DPF3: variants seen among roughly 807,000 people sequenced by gnomAD.
DPF3 encodes double PHD fingers 3.
A neutral mutation model predicts 56.8 loss-of-function variants in DPF3; 18 were observed. The observed-to-expected ratio is 0.32, with a 90% confidence interval of 0.22 to 0.47. DPF3 has a LOEUF of 0.47. Among genes scored for constraint, DPF3 ranks in the 20% least tolerant of loss-of-function variants. DPF3 has a pLI of 1.00. For synonymous variants in DPF3, 188 were observed against 180.2 expected (o/e 1.04, Z -0.35); for missense variants, 403 against 488.8 (o/e 0.82, Z 1.65).
chr14:72,693,051 C>T lies in DPF3; in HGVS notation c.742+25G>A, dbSNP rs374145779. 12 of 1,613,562 alleles carry T rather than the reference C, an allele frequency of 7.4e-6. No homozygotes were observed. In the East Asian group the frequency reaches 1.1e-4, roughly 15 times the overall value. ...CCTGTCTAACCCACTTCTTCACTGCCCCAACCTAACAAGTAGGCACTCACG... is the reference window on the plus strand; with the variant it reads ...CCTGTCTAACCCACTTCTTCACTGCTCCAACCTAACAAGTAGGCACTCACG... On this transcript the variant is annotated intron_variant, in intron 7 of 10. Transcript: ENST00000556509.
intron 1 of DPF3, among the ~76,000 whole-genome samples, chr14:72,813,557 G>A (rs568776104): frequency 1.3e-5 from 2 of 152,072 alleles, no homozygotes; most frequent in African/African-American, 2.4e-5. Context: ...CCTCCCCCCC[G>A]GCACCCATTC....
chr14:72,749,847 A>G (rs1047081321), intron 3 of DPF3, among the ~76,000 whole-genome samples: 1 of 115,024 alleles, frequency 8.7e-6, no homozygotes, highest in African/African-American at 3.4e-5. Flanking sequence ...GACCCTGTTT[A>G]AAAAAAAAAA....
chr14:72,872,245 G>T (rs780068019), intron 1 of DPF3, among the ~76,000 whole-genome samples: 3 of 151,944 alleles, frequency 2.0e-5, no homozygotes, highest in Non-Finnish European at 4.4e-5. Flanking sequence ...TTTACCTCCT[G>T]GGCCTCCAGG....
chr14:72,754,601 G>C (rs553213312), intron 2 of DPF3, among the ~76,000 whole-genome samples: 31 of 152,190 alleles, frequency 2.0e-4, no homozygotes, highest in Non-Finnish European at 4.0e-4. Context: ...TGCACACCTA[G>C]GACCATGGAT....
At position 72,669,346 on chromosome 14, in the gene DPF3, C is replaced by T. The variant is rs546085842; in HGVS notation, c.871+4894G>A. 2.0e-5 allele frequency among the ~76,000 whole-genome samples: 3 copies of T among 152,340 alleles called. No homozygotes were observed. The South Asian group carries it at 6.2e-4, about 32-fold the overall frequency. On this transcript the variant is annotated intron_variant, in intron 8 of 10. Coordinates refer to ENST00000556509, the MANE Select transcript of DPF3 (RefSeq NM_001280542.3). ...GTCTCCCAACCCATGTCAAATGGTT[C>T]TGCCTGTGTTTCCAGAACTGTGCAC...
At chr14:72,860,237 C>T (rs1159361807) in intron 1 of DPF3, among the ~76,000 whole-genome samples, 1 of 152,170 alleles carries the variant, frequency 6.6e-6, no homozygotes, top group Non-Finnish European at 1.5e-5. Context: ...GGCTAGAATG[C>T]AGTGGCACAA....
At chr14:72,661,443 CGT>C (rs1886206257) in intron 8 of DPF3, 2 of 985,176 alleles carry the variant, frequency 2.0e-6, no homozygotes, top group Non-Finnish European at 2.4e-6. Flanking sequence ...TTAGACTATT[CGT>C]GTGTTATTAT....
intron 1 of DPF3, among the ~76,000 whole-genome samples, chr14:72,783,139 C>T (rs1040822312): frequency 2.6e-5 from 4 of 152,188 alleles, no homozygotes; most frequent in Non-Finnish European, 5.9e-5. Context: ...CTGACTGCTC[C>T]TCTGAGATGT....
chr14:72,747,062 C>T (rs902204118), intron 3 of DPF3, among the ~76,000 whole-genome samples: 31 of 152,224 alleles, frequency 2.0e-4, no homozygotes, highest in African/African-American at 7.0e-4. Flanking sequence ...AGCTGCCTGC[C>T]TCAGTCCCAC....
intron 6 of DPF3, among the ~76,000 whole-genome samples, chr14:72,711,014 A>G (rs7155359): frequency 0.39 from 58,894 of 152,088 alleles, 12,837 homozygotes; most frequent in Non-Finnish European, 0.51. Context: ...AGCTACAATA[A>G]TATTCAAGCC....
At chr14:72,876,030 GGTT>G (rs1356793733) in intron 1 of DPF3, among the ~76,000 whole-genome samples, 2 of 131,100 alleles carry the variant, frequency 1.5e-5, no homozygotes, top group East Asian at 5.2e-4. Flanking sequence ...ATCATTTATT[GGTT>G]GTTGTTGAAG....
chr14:72,802,161 AC>A (rs895538637), intron 1 of DPF3, among the ~76,000 whole-genome samples: 1 of 151,330 alleles, frequency 6.6e-6, no homozygotes, highest in African/African-American at 2.5e-5. Context: ...AGCTCCCCCT[AC>A]CCCCACCACC....
intron 2 of DPF3, among the ~76,000 whole-genome samples, chr14:72,766,381 C>T (rs1891287840): frequency 6.6e-6 from 1 of 152,178 alleles, no homozygotes; most frequent in Admixed American, 6.5e-5. Flanking sequence ...TGAGAAACAA[C>T]AGGGTGGGTG....
intron 1 of DPF3, among the ~76,000 whole-genome samples, chr14:72,840,223 C>T (rs1187603742): frequency 1.3e-5 from 2 of 152,160 alleles, no homozygotes; most frequent in Non-Finnish European, 2.9e-5. Flanking sequence ...AGCCTGCAGC[C>T]GTGGAACCAA....
At chr14:72,808,697 G>T (rs972895385) in intron 1 of DPF3, among the ~76,000 whole-genome samples, 3 of 152,218 alleles carry the variant, frequency 2.0e-5, no homozygotes, top group African/African-American at 7.2e-5. Context: ...AGAAAAACCA[G>T]CTTGTTGCTT....
chr14:72,887,989 T>C (rs1172666163), intron 1 of DPF3, among the ~76,000 whole-genome samples: 1 of 152,098 alleles, frequency 6.6e-6, no homozygotes, highest in Non-Finnish European at 1.5e-5. Context: ...AAACCTTTTA[T>C]CAGCAACCTG....
intron 1 of DPF3, among the ~76,000 whole-genome samples, chr14:72,869,849 A>ATCTG (rs1885825796): frequency 6.6e-6 from 1 of 152,158 alleles, no homozygotes; most frequent in African/African-American, 2.4e-5. Flanking sequence ...CCACAGAAAC[A>ATCTG]GGCATACCCA....
intron 1 of DPF3, among the ~76,000 whole-genome samples, chr14:72,878,042 A>G (rs1368180318): frequency 1.3e-5 from 2 of 152,176 alleles, no homozygotes; most frequent in Non-Finnish European, 2.9e-5. Context: ...TTTTTCTACA[A>G]TTCGGCTCCT....
chr14:72,731,518 C>T, intron 4 of DPF3: 1 of 354,184 alleles, frequency 2.8e-6, no homozygotes. Context: ...CACTCTGTGT[C>T]CCTGGGACCC....
Sources: gnomAD v4.1 joint callset for allele counts (sites outside exome capture counted in the v4.1 genomes callset) on GRCh38, gnomAD v4.1.1 for gene constraint, MANE v1.5 for transcripts, NCBI Gene and HGNC (gene_info 2026-07-23, HGNC 2026-07-21) for gene names.